Variants in PDE1A observed in about 807,000 individuals in gnomAD.
PDE1A encodes phosphodiesterase 1A.
Under a neutral mutation model 61.7 loss-of-function variants are expected in PDE1A, and 35 were observed. The observed-to-expected ratio is 0.57, with a 90% confidence interval of 0.43 to 0.75. The LOEUF is 0.75. PDE1A is among the 30% of genes least tolerant of loss of function. PDE1A has a pLI of 0.00. For missense variants in PDE1A, 597 were observed against 630.6 expected, an observed-to-expected ratio of 0.95 and a Z score of 0.57; for synonymous variants, 232 against 213.2, an observed-to-expected ratio of 1.09 and a Z score of -0.77.
chr2:182,494,631 T>C (rs1024379085), intron 2 of PDE1A, among the ~76,000 whole-genome samples: 2 of 152,136 alleles, frequency 1.3e-5, no homozygotes, highest in East Asian at 3.9e-4. Flanking sequence ...AGTCACAAGA[T>C]GGTTCTCATC....
At chr2:182,670,132 A>G in the PDE1A span, among the ~76,000 whole-genome samples, 2 of 152,212 alleles carry the variant, frequency 1.3e-5, no homozygotes, top group Non-Finnish European at 2.9e-5. Context: ...TCTTCCCTGT[A>G]TATAAGTGCC....
In PDE1A at chr2:182,395,034, G is replaced by C. The variant is rs1437205325; in HGVS notation, c.53+31544C>G. 5.3e-5 allele frequency among the ~76,000 whole-genome samples: 8 copies of C among 152,330 alleles called. No homozygotes were observed. In the South Asian group the frequency reaches 1.2e-3, roughly 24 times the overall value. ...TCTGAGAATGACCATGGGTTATCATGAGCTTAACCAAGTAGTGACTCCAGC... is the reference window on the plus strand; with the variant it reads ...TCTGAGAATGACCATGGGTTATCATCAGCTTAACCAAGTAGTGACTCCAGC... On this transcript the variant is annotated intron_variant, in intron 1 of 13. Transcript: ENST00000351439.
At chr2:182,570,750 T>C in the PDE1A span, among the ~76,000 whole-genome samples, 1 of 152,186 alleles carries the variant, frequency 6.6e-6, no homozygotes, top group Non-Finnish European at 1.5e-5. Flanking sequence ...TAATACCTAA[T>C]GCTTTCTTCA....
chr2:182,475,028 C>T (rs1285023074), intron 2 of PDE1A, among the ~76,000 whole-genome samples: 1 of 151,922 alleles, frequency 6.6e-6, no homozygotes, highest in African/African-American at 2.4e-5. Flanking sequence ...TGTCACAGCA[C>T]TTTTAGAGGT....
chr2:182,230,003 T>C lies in PDE1A; in HGVS notation c.675+3A>G. The stretch of plus-strand genomic sequence containing the variant: ...CAAACCTCAGTTACAAAGACTGTCT[T>C]ACCATGATACCTGTATGAAGCATTA... On this transcript the variant is annotated splice_donor_region_variant and intron_variant, in intron 6 of 13. Transcript: ENST00000351439. The C allele has an allele frequency of 6.2e-7, 1 of 1,608,088 alleles. No homozygotes were observed. The highest frequency in any genetic ancestry group is 8.5e-7 in the Non-Finnish European group (1 of 1,176,764).
chr2:182,393,282 C>A (rs1701522470), intron 1 of PDE1A, among the ~76,000 whole-genome samples: 1 of 152,234 alleles, frequency 6.6e-6, no homozygotes, highest in African/African-American at 2.4e-5. Flanking sequence ...GAAGCAATGG[C>A]CTGAGCTGTA....
the PDE1A span, among the ~76,000 whole-genome samples, chr2:182,628,847 A>G: frequency 7.2e-5 from 11 of 152,168 alleles, no homozygotes; most frequent in African/African-American, 2.7e-4. Flanking sequence ...TCTCGTAATC[A>G]TCTCCAGTCC....
At chr2:182,245,395 G>T (rs1037627061) in intron 2 of PDE1A, among the ~76,000 whole-genome samples, 1 of 152,074 alleles carries the variant, frequency 6.6e-6, no homozygotes, top group African/African-American at 2.4e-5. Flanking sequence ...ACTTTCTGTT[G>T]TACATTCTAT....
chr2:182,299,583 A>G (rs548458416), intron 1 of PDE1A, among the ~76,000 whole-genome samples: 1 of 151,414 alleles, frequency 6.6e-6, no homozygotes, highest in East Asian at 1.9e-4. Flanking sequence ...AGCCTAGAAC[A>G]TGGCACATGG....
chr2:182,426,677 C>G (rs1299257853), exon 1 of PDE1A: 3 of 1,611,950 alleles, frequency 1.9e-6, no homozygotes, highest in Non-Finnish European at 2.5e-6. Flanking sequence ...TCCAGAAACT[C>G]CAGAGAGGAA....
At position 182,516,646 on chromosome 2, in the gene PDE1A, AAGAAAGAG is replaced by A. The variant is rs1404149503; in HGVS notation, c.101+5622_101+5629del. The stretch of plus-strand genomic sequence containing the variant: ...AGAGTGAGATCCTATCTGAAAAAGA[AAGAAAGAG>A]AGAAAGAGAGAAAGAAGGGAAGGAG... On this transcript the variant is annotated intron_variant, in intron 2 of 14. Coordinates refer to the PDE1A transcript ENST00000410103. Among the ~76,000 whole-genome samples the A allele has an allele frequency of 1.2e-4, 18 of 151,006 alleles. No homozygotes were observed. In the East Asian group the frequency reaches 1.8e-3, roughly 15 times the overall value.
chr2:182,515,984 G>GTA (rs1690118166), intron 2 of PDE1A, among the ~76,000 whole-genome samples: 2 of 109,248 alleles, frequency 1.8e-5, no homozygotes, highest in Non-Finnish European at 4.3e-5. Flanking sequence ...GTGTGTGTGT[G>GTA]TGTGTGTGTG....
At chr2:182,610,711 A>T in the PDE1A span, among the ~76,000 whole-genome samples, 1 of 152,200 alleles carries the variant, frequency 6.6e-6, no homozygotes, top group Admixed American at 6.5e-5. Flanking sequence ...GCAATAGCTC[A>T]AAATTGAATA....
chr2:182,255,160 G>A (rs1254814254), intron 2 of PDE1A, among the ~76,000 whole-genome samples: 1 of 152,136 alleles, frequency 6.6e-6, no homozygotes, highest in African/African-American at 2.4e-5. Context: ...TGGACCTGCT[G>A]ACAGACATCA....
chr2:182,228,422 A>G (rs1242692729), intron 6 of PDE1A, among the ~76,000 whole-genome samples: 1 of 152,124 alleles, frequency 6.6e-6, no homozygotes. Flanking sequence ...CCACCCTGAA[A>G]TAGCAGGGCA....
At chr2:182,204,918 A>C (rs1366390813) in intron 8 of PDE1A, among the ~76,000 whole-genome samples, 1 of 152,190 alleles carries the variant, frequency 6.6e-6, no homozygotes, top group Non-Finnish European at 1.5e-5. Flanking sequence ...ATCTCTAGAT[A>C]TGGCCTTGAA....
chr2:182,490,787 T>A (rs1475752001), intron 2 of PDE1A, among the ~76,000 whole-genome samples: 1 of 152,218 alleles, frequency 6.6e-6, no homozygotes, highest in Non-Finnish European at 1.5e-5. Flanking sequence ...TTAAGAGTGA[T>A]GTCCTTGAAT....
chr2:182,290,450 T>C (rs1422011041), intron 1 of PDE1A, among the ~76,000 whole-genome samples: 1 of 152,022 alleles, frequency 6.6e-6, no homozygotes, highest in East Asian at 1.9e-4. Context: ...AGGGATAAAA[T>C]GAAAAACACA....
intron 2 of PDE1A, among the ~76,000 whole-genome samples, chr2:182,257,698 TG>T (rs751952944): frequency 2.0e-5 from 3 of 152,206 alleles, no homozygotes; most frequent in South Asian, 2.1e-4. Context: ...TAATTTTGAT[TG>T]GCCCCTATCT....
Sources: gnomAD v4.1 joint callset for allele counts (sites outside exome capture counted in the v4.1 genomes callset) on GRCh38, gnomAD v4.1.1 for gene constraint, MANE v1.5 for transcripts, NCBI Gene and HGNC (gene_info 2026-07-23, HGNC 2026-07-21) for gene names.